The following DENND1B variants were observed in gnomAD, a reference collection of about 807,000 sequenced individuals.
DENND1B encodes DENN domain-containing protein 1B.
In DENND1B, 59 loss-of-function variants were observed where a neutral mutation model predicts 90.1. That is an observed-to-expected ratio of 0.65 (90% confidence interval 0.53 to 0.81). DENND1B has a LOEUF of 0.81. Ranked by LOEUF, DENND1B falls within the 40% of genes least tolerant of loss-of-function variation. The pLI, the probability that DENND1B is intolerant of heterozygous loss-of-function variation, is 0.00. For missense variants in DENND1B, 862 were observed against 912.6 expected, an observed-to-expected ratio of 0.94 and a Z score of 0.71; for synonymous variants, 337 against 324.6, an observed-to-expected ratio of 1.04 and a Z score of -0.41.
chr1:197,645,878 TTGAGAGATTCTTAAATGA>T, intron 8 of DENND1B, 135 bp from the exon 9 acceptor site: 1 of 517,784 alleles, frequency 1.9e-6, no homozygotes, highest in Non-Finnish European at 3.3e-6. Context: ...TTTGTTGAAT[TTGAGAGATTCTTAAATGA>T]GTTAGCGGGT....
In DENND1B at chr1:197,748,982, A is replaced by G. The variant is rs368773563; in HGVS notation, c.82+23886T>C. On this transcript the variant is annotated intron_variant, in intron 2 of 22. Transcript: ENST00000620048. Reference sequence around the variant, plus strand: ...TTCAAAACGAAAATCTACAATTTAAAAAATACATTATTTGAGACAAAAACA... The same window carrying G: ...TTCAAAACGAAAATCTACAATTTAAGAAATACATTATTTGAGACAAAAACA... Among the ~76,000 whole-genome samples the G allele has an allele frequency of 5.3e-5, 8 of 152,336 alleles. No individual in the cohort carries two copies. The East Asian group carries it at 1.3e-3, about 26-fold the overall frequency.
intron 2 of DENND1B, among the ~76,000 whole-genome samples, chr1:197,768,095 A>C (rs1655922957): frequency 6.6e-6 from 1 of 152,182 alleles, no homozygotes; most frequent in Non-Finnish European, 1.5e-5. Flanking sequence ...TGCCCAGCAC[A>C]GAATAAGTAC....
chr1:197,661,703 T>C (rs561025510), intron 5 of DENND1B, among the ~76,000 whole-genome samples: 156 of 152,144 alleles, frequency 1.0e-3, no homozygotes, highest in African/African-American at 3.4e-3. Context: ...ACAATAATTA[T>C]GTTATTAGAA....
intron 15 of DENND1B, among the ~76,000 whole-genome samples, chr1:197,575,655 C>G (rs1199425525): frequency 6.6e-6 from 1 of 152,152 alleles, no homozygotes; most frequent in African/African-American, 2.4e-5. Context: ...CGGCACCATT[C>G]ACAATAGCAA....
At chr1:197,724,127 G>C (rs1246214664) in intron 2 of DENND1B, among the ~76,000 whole-genome samples, 1 of 152,042 alleles carries the variant, frequency 6.6e-6, no homozygotes, top group Non-Finnish European at 1.5e-5. Flanking sequence ...GGATATAACA[G>C]ACACAGTTCC....
chr1:197,759,292 A>C (rs934790983), intron 2 of DENND1B, among the ~76,000 whole-genome samples: 2 of 151,724 alleles, frequency 1.3e-5, no homozygotes, highest in Non-Finnish European at 2.9e-5. Flanking sequence ...TAAAAAATTT[A>C]AAAAACCAAA....
At chr1:197,528,811 G>C (rs1479048292) in intron 20 of DENND1B, among the ~76,000 whole-genome samples, 1 of 148,490 alleles carries the variant, frequency 6.7e-6, no homozygotes, top group African/African-American at 2.5e-5. Context: ...AGTGAGCCGA[G>C]ATCCCGCCAC....
chr1:197,617,820 T>A, intron 10 of DENND1B, 61 bp from the exon 11 acceptor site: 5 of 1,117,578 alleles, frequency 4.5e-6, no homozygotes, highest in Non-Finnish European at 6.8e-6. Flanking sequence ...CAAAAAGCAA[T>A]GTTCAATGTA....
intron 10 of DENND1B, among the ~76,000 whole-genome samples, chr1:197,626,596 C>T (rs576631481): frequency 1.3e-5 from 2 of 152,142 alleles, no homozygotes; most frequent in East Asian, 3.9e-4. Flanking sequence ...AATTGACACC[C>T]TAACATCACA....
intron 20 of DENND1B, 143 bp from the exon 21 acceptor site, chr1:197,513,096 T>C (rs994230388): frequency 1.6e-6 from 1 of 618,502 alleles, no homozygotes; most frequent in Non-Finnish European, 2.7e-6. Context: ...ATCCAATAAC[T>C]TGACAAACTG....
chr1:197,768,280 A>G (rs181087131), intron 2 of DENND1B, among the ~76,000 whole-genome samples: 1 of 150,512 alleles, frequency 6.6e-6, no homozygotes, highest in Non-Finnish European at 1.5e-5. Context: ...TCCTCCTACT[A>G]CTACTGCTAC....
chr1:197,693,623 T>C (rs1322159136), intron 3 of DENND1B, among the ~76,000 whole-genome samples: 1 of 151,676 alleles, frequency 6.6e-6, no homozygotes, highest in Admixed American at 6.6e-5. Context: ...TGTCTCTTAA[T>C]ATACAAATGC....
At chr1:197,664,629 A>C (rs1654758000) in intron 5 of DENND1B, among the ~76,000 whole-genome samples, 1 of 152,124 alleles carries the variant, frequency 6.6e-6, no homozygotes, top group South Asian at 2.1e-4. Flanking sequence ...GTTTTTTGTC[A>C]AATAGTCAGG....
At chr1:197,744,641 GC>G (rs1663536392) in intron 2 of DENND1B, among the ~76,000 whole-genome samples, 1 of 152,132 alleles carries the variant, frequency 6.6e-6, no homozygotes, top group South Asian at 2.1e-4. Flanking sequence ...ATTTGTAAGG[GC>G]CCTGGGATTT....
intron 2 of DENND1B, among the ~76,000 whole-genome samples, chr1:197,717,185 A>G (rs1184623462): frequency 6.6e-6 from 1 of 152,006 alleles, no homozygotes; most frequent in Non-Finnish European, 1.5e-5. Context: ...GCAACTTTTC[A>G]GAAGTACTGC....
At chr1:197,571,495 T>C (rs1349994029) in intron 15 of DENND1B, among the ~76,000 whole-genome samples, 3 of 152,216 alleles carry the variant, frequency 2.0e-5, no homozygotes, top group Admixed American at 6.5e-5. Context: ...TCAAAACTGA[T>C]TCCTTCTTTA....
upstream of DENND1B, among the ~76,000 whole-genome samples, chr1:197,780,683 A>G (rs1238164419): frequency 2.0e-5 from 3 of 152,174 alleles, no homozygotes; most frequent in Non-Finnish European, 2.9e-5. Context: ...CTGCTCTTCA[A>G]TGCATTGCAA....
Position 197,690,143 on chromosome 1 carries a change from C to A in DENND1B, c.127-15974G>T, listed in dbSNP as rs1302462736. ...CTGAAGTAGAGTCTGTTGAAATGCACCAAAAAGCTTTGAGTGAAGCTCTTC... is the reference window on the plus strand; with the variant it reads ...CTGAAGTAGAGTCTGTTGAAATGCAACAAAAAGCTTTGAGTGAAGCTCTTC... On this transcript the variant is annotated intron_variant, in intron 3 of 22. Transcript: ENST00000620048. 4 of 272,594 alleles carry A rather than the reference C, an allele frequency of 1.5e-5. No homozygotes were observed. The Admixed American group carries it at 1.6e-4, about 11-fold the overall frequency. The allele number at this position is 272,594 out of a possible 1,614,324, so 16.9% of individuals were successfully genotyped here. A position where few individuals can be genotyped will look rare whatever the true frequency, so the allele number is the denominator to read the frequency against.
intron 20 of DENND1B, among the ~76,000 whole-genome samples, chr1:197,524,168 G>A (rs1316783739): frequency 6.6e-6 from 1 of 152,088 alleles, no homozygotes; most frequent in Non-Finnish European, 1.5e-5. Context: ...TCCAAGAACT[G>A]AGGGATATTA....
Sources: gnomAD v4.1 joint callset for allele counts (sites outside exome capture counted in the v4.1 genomes callset) on GRCh38, gnomAD v4.1.1 for gene constraint, MANE v1.5 for transcripts, NCBI Gene and HGNC (gene_info 2026-07-23, HGNC 2026-07-21) for gene names.